KAT2A: variants seen among roughly 807,000 people sequenced by gnomAD.
KAT2A encodes the protein lysine acetyltransferase 2A, also known as histone acetyltransferase KAT2A.
Under a neutral mutation model 95.2 loss-of-function variants are expected in KAT2A, and 42 were observed. The ratio of observed to expected loss-of-function variants is 0.44; its 90% confidence interval spans 0.34 to 0.57. The LOEUF is 0.57. Ranked by LOEUF, KAT2A falls within the 20% of genes least tolerant of loss-of-function variation. The pLI, the probability that KAT2A is intolerant of heterozygous loss-of-function variation, is 0.01. For synonymous variants in KAT2A, 449 were observed against 448.2 expected, an observed-to-expected ratio of 1.00 and a Z score of -0.02; for missense variants, 784 against 1,126.3, an observed-to-expected ratio of 0.70 and a Z score of 4.35.
chr17:42,113,395 C>T lies in KAT2A; in HGVS notation c.*254G>A. ...GCCACCACGGCTGGGCAAGGTTCATCCCTGGCCACCAGCTACTCTAGAGGG... is the reference window on the plus strand; with the variant it reads ...GCCACCACGGCTGGGCAAGGTTCATTCCTGGCCACCAGCTACTCTAGAGGG... On this transcript the variant is annotated 3_prime_UTR_variant, in exon 18 of 18. Transcript: ENST00000225916. 1 of 394,176 alleles carries T rather than the reference C, an allele frequency of 2.5e-6. No homozygotes were observed. The highest frequency in any genetic ancestry group is 4.9e-5 in the Admixed American group (1 of 20,428). 24.4% of individuals were successfully genotyped at this position (394,176 alleles called of 1,614,324 possible).
In KAT2A at chr17:42,119,942, G is replaced by C; in HGVS notation, c.699+88C>G. The C allele has an allele frequency of 2.4e-6, 3 of 1,256,642 alleles. No homozygotes were observed. Among genetic ancestry groups the C allele is most frequent in the East Asian group, 2.3e-5 (1 of 43,078 alleles). The allele number at this position is 1,256,642 out of a possible 1,614,324, so 77.8% of individuals were successfully genotyped here. A position where few individuals can be genotyped will look rare whatever the true frequency, so the allele number is the denominator to read the frequency against. ...TCTCTGAACCTCCCCAGTGTTCTCAGCTTGAGGAGAATGGAGAACACAGGC... is the reference window on the plus strand; with the variant it reads ...TCTCTGAACCTCCCCAGTGTTCTCACCTTGAGGAGAATGGAGAACACAGGC... On this transcript the variant is annotated intron_variant, in intron 4 of 17. Coordinates refer to ENST00000225916, the MANE Select transcript of KAT2A (RefSeq NM_021078.3). The surrounding 1 kb of genome is among the most constrained non-coding windows in gnomAD (Gnocchi z 5.3).
chr17:42,115,954 G>A, intron 11 of KAT2A, 121 bp from the exon 12 acceptor site: 1 of 710,620 alleles, frequency 1.4e-6, no homozygotes, highest in Non-Finnish European at 2.6e-6. Context: ...AGAGCATCCA[G>A]GCAAAGAGGA....
chr17:42,119,193 A>C lies in KAT2A; in HGVS notation c.1073+52T>G. ...GCCTTCCTGGAAAAAAGGGGACAACAGGGAGGATGTGAACTTGGGGCCAAA... is the reference window on the plus strand; with the variant it reads ...GCCTTCCTGGAAAAAAGGGGACAACCGGGAGGATGTGAACTTGGGGCCAAA... On this transcript the variant is annotated intron_variant, in intron 6 of 17. Coordinates refer to ENST00000225916, the MANE Select transcript of KAT2A (RefSeq NM_021078.3). This position sits in a 1 kb window ranked among gnomAD's most constrained non-coding sequence, Gnocchi z 5.3. The C allele has an allele frequency of 6.4e-7, 1 of 1,554,142 alleles. No homozygotes were observed. Among genetic ancestry groups the C allele is most frequent in the Non-Finnish European group, 8.7e-7 (1 of 1,146,486 alleles).
At chr17:42,118,097 C>T in intron 7 of KAT2A, 80 bp from the exon 8 acceptor site, 5 of 904,152 alleles carry the variant, frequency 5.5e-6, no homozygotes, top group Non-Finnish European at 6.5e-6. Context: ...GGGGCTGAAG[C>T]TGAGGAGAGA....
At position 42,114,500 on chromosome 17, in the gene KAT2A, A is replaced by C. The variant is rs2054224481; in HGVS notation, c.2124T>G (p.Val708=). 1.9e-6 allele frequency: 3 copies of C among 1,613,946 alleles called. No individual in the cohort carries two copies. Among genetic ancestry groups the C allele is most frequent in the Non-Finnish European group, 2.5e-6 (3 of 1,179,938 alleles). The part of the protein sequence containing the change: ...EGVRQIPVES[V]PGIRETGWKP... ...GAGACCCCTGCTTACGAATGCCAGG[A>C]ACGCTCTCCACAGGGATCTGCCTCA... Residue 708 remains valine (V), a synonymous_variant, in exon 14 of 18, where the codon GTT becomes GTG. Transcript: ENST00000225916. This position sits in a 1 kb window ranked among gnomAD's most constrained non-coding sequence, Gnocchi z 6.0.
chr17:42,118,261 G>A (rs1555666548), intron 7 of KAT2A, 36 bp downstream of exon 7: 1 of 1,489,396 alleles, frequency 6.7e-7, no homozygotes, highest in South Asian at 1.1e-5. Flanking sequence ...CAGCCAGGCA[G>A]GCCAGACACC....
At chr17:42,118,878 A>G (rs1320393564) in intron 6 of KAT2A, among the ~76,000 whole-genome samples, 1 of 152,252 alleles carries the variant, frequency 6.6e-6, no homozygotes, top group Non-Finnish European at 1.5e-5. Flanking sequence ...AAAATGGTAC[A>G]GAAAAGACCA....
Position 42,115,849 on chromosome 17 carries a change from GCAGGACTCAC to G in KAT2A, c.1765-26_1765-17del, listed in dbSNP as rs1311812309. On this transcript the variant is annotated splice_polypyrimidine_tract_variant and intron_variant, in intron 11 of 17. Transcript: ENST00000225916. ...TCCCATAACCCTGCGGGGGAGGGAA[GCAGGACTCAC>G]CAGGAGCTGAGGATGGGCCTGGTGC... is the stretch of plus-strand genomic sequence containing the variant. 1.8e-5 allele frequency: 27 copies of G among 1,465,814 alleles called. No homozygotes were observed. Among genetic ancestry groups the G allele is most frequent in the Non-Finnish European group, 2.5e-5 (26 of 1,044,922 alleles). The allele number at this position is 1,465,814 out of a possible 1,614,324, so 90.8% of individuals were successfully genotyped here. A position where few individuals can be genotyped will look rare whatever the true frequency, so the allele number is the denominator to read the frequency against.
chr17:42,114,151 C>T lies in KAT2A; in HGVS notation c.2236-67G>A. On this transcript the variant is annotated intron_variant, in intron 16 of 17. Transcript: ENST00000225916. This position sits in a 1 kb window ranked among gnomAD's most constrained non-coding sequence, Gnocchi z 6.0. ...ACGCCAGCCCGAGACCACTACCCACCCCACACTGCATCAAGAGGCCACAGC... is the reference window on the plus strand; with the variant it reads ...ACGCCAGCCCGAGACCACTACCCACTCCACACTGCATCAAGAGGCCACAGC... The T allele has an allele frequency of 1.3e-6, 2 of 1,575,952 alleles. No homozygotes were observed. The highest frequency in any genetic ancestry group is 2.3e-5 in the South Asian group (2 of 87,280).
rs1415062943 is a variant in KAT2A, at chr17:42,115,774, G to C, written c.1824C>G (p.Leu608=). 17 of 1,613,952 alleles carry C rather than the reference G, an allele frequency of 1.1e-5. No individual in the cohort carries two copies. Among genetic ancestry groups the C allele is most frequent in the Non-Finnish European group, 1.4e-5 (17 of 1,179,926 alleles). The change falls in exon 12 of 18, where the codon CTC becomes CTG. Residue 608 remains leucine, a synonymous_variant. Transcript: ENST00000225916. ...ACTCGTCGGCGTAGGTGAGGAAGTA[G>C]AGAATGTTGTGCTTGATGTGATACT... ...LKEYHIKHNI[L]YFLTYADEYA...
At position 42,117,956 on chromosome 17, in the gene KAT2A, G is replaced by A. The variant is rs782693728; in HGVS notation, c.1242C>T (p.Gly414=). The A allele has an allele frequency of 1.9e-6, 3 of 1,608,470 alleles. No homozygotes were observed. The highest frequency in any genetic ancestry group is 1.7e-5 in the Admixed American group (1 of 59,658). Reference sequence around the variant, plus strand: ...AATCCAGACTCAGGGAGCTGTTGCTGCCCCCACCCATGCTGGGGCTGAAGA... The same window carrying A: ...AATCCAGACTCAGGGAGCTGTTGCTACCCCCACCCATGCTGGGGCTGAAGA... The part of the protein sequence containing the change: ...TPIFSPSMGG[G]SNSSLSLDSA... The change falls in exon 8 of 18, where the codon GGC becomes GGT. Residue 414 remains glycine, a synonymous_variant. Transcript: ENST00000225916. The surrounding 1 kb of genome is among the most constrained non-coding windows in gnomAD (Gnocchi z 8.9).
rs1045796459 is a variant in KAT2A, at chr17:42,121,186, G to C, written c.119C>G (p.Pro40Arg). 27 of 1,383,114 alleles carry C rather than the reference G, an allele frequency of 2.0e-5. No homozygotes were observed. The highest frequency in any genetic ancestry group is 2.3e-5 in the Non-Finnish European group (24 of 1,041,376). The allele number at this position is 1,383,114 out of a possible 1,614,324, so 85.7% of individuals were successfully genotyped here. ...PAPSPASAPI[P>R]TPTPAPAPAP... is the part of the protein sequence containing the mutation. Reference sequence around the variant, plus strand: ...AGGGGCTGGTGCCGGGGTGGGAGTCGGAATCGGGGCTGAAGCCGGGCTGGG... The same window carrying C: ...AGGGGCTGGTGCCGGGGTGGGAGTCCGAATCGGGGCTGAAGCCGGGCTGGG... The change falls in exon 1 of 18, where the codon CCG becomes CGG. Residue 40 changes from proline (P) to arginine (R), a missense_variant. Physicochemically the swap from Pro to Arg is moderately radical, Grantham distance 103 (BLOSUM62 -2). Coordinates refer to ENST00000225916, the MANE Select transcript of KAT2A (RefSeq NM_021078.3).
rs144696443 is a variant in KAT2A at position 42,119,867 on chromosome 17, C to A, written c.700-149G>T. On this transcript the variant is annotated intron_variant, in intron 4 of 17. Transcript: ENST00000225916. This position sits in a 1 kb window ranked among gnomAD's most constrained non-coding sequence, Gnocchi z 5.3. The stretch of plus-strand genomic sequence containing the variant: ...GTGCTCTCTATAGAAAAGCTCTGCC[C>A]CCTCCCTACCACCATGCCCACCCTG... The A allele has an allele frequency of 4.6e-4, 438 of 960,994 alleles. 5 individuals are homozygous for A. In the East Asian group the frequency reaches 0.011, roughly 25 times the overall value. The allele number at this position is 960,994 out of a possible 1,614,324, so 59.5% of individuals were successfully genotyped here.
At position 42,121,261 on chromosome 17, in the gene KAT2A, T is replaced by A; in HGVS notation, c.44A>T (p.Gln15Leu). Residue 15 changes from glutamine to leucine, a missense_variant, in exon 1 of 18, where the codon CAG (glutamine) becomes CTG (leucine). Physicochemically the swap from Gln to Leu is moderately radical, Grantham distance 113 (BLOSUM62 -2). Around this residue, in one of 6 missense-constraint regions of KAT2A, gnomAD observed 142 missense variants for 123.2 expected, o/e 1.15. Coordinates refer to ENST00000225916, the MANE Select transcript of KAT2A (RefSeq NM_021078.3). ...SQAPTPAPAAQPRPLQSPAPA... is the reference protein window; with the variant it reads ...SQAPTPAPAALPRPLQSPAPA... ...GGCTGGGGACTGAAGGGGCCGGGGC[T>A]GCGCAGCCGGGGCCGGGGTCGGGGC... The A allele has an allele frequency of 5.2e-6, 7 of 1,345,744 alleles. No individual in the cohort carries two copies. Among genetic ancestry groups the A allele is most frequent in the Non-Finnish European group, 6.7e-6 (7 of 1,042,124 alleles). The allele number at this position is 1,345,744 out of a possible 1,614,324, so 83.4% of individuals were successfully genotyped here.
chr17:42,118,160 G>C, intron 7 of KAT2A, 137 bp downstream of exon 7: 1 of 795,952 alleles, frequency 1.3e-6, no homozygotes, highest in South Asian at 1.6e-5. Flanking sequence ...AGAAGGCAGG[G>C]ACTGGGGGGG....
rs1598230998 is a variant in KAT2A at position 42,117,313 on chromosome 17, T to C, written c.1637+75A>G. 1 of 1,563,946 alleles carries C rather than the reference T, an allele frequency of 6.4e-7. No homozygotes were observed. Among genetic ancestry groups the C allele is most frequent in the Admixed American group, 1.7e-5 (1 of 59,360 alleles). ...AGTGGGGAGCAGGGGATCCCCAATT[T>C]TGAGGAGTGAAGAGGCCGAGGAGGA... is the stretch of plus-strand genomic sequence containing the variant. On this transcript the variant is annotated intron_variant, in intron 10 of 17. Transcript: ENST00000225916. The surrounding 1 kb of genome is among the most constrained non-coding windows in gnomAD (Gnocchi z 8.9).
At position 42,117,053 on chromosome 17, in the gene KAT2A, G is replaced by C; in HGVS notation, c.1746C>G (p.Thr582=). Residue 582 remains threonine, a synonymous_variant, in exon 11 of 18, where the codon ACC becomes ACG. Coordinates refer to ENST00000225916, the MANE Select transcript of KAT2A (RefSeq NM_021078.3). This position sits in a 1 kb window ranked among gnomAD's most constrained non-coding sequence, Gnocchi z 8.9. ...CGCTCACCTTGACCTGCTCATTCGAGGTGACAGCACAGAAGACAATCTCCG... is the reference window on the plus strand; with the variant it reads ...CGCTCACCTTGACCTGCTCATTCGACGTGACAGCACAGAAGACAATCTCCG... The part of the protein sequence containing the change: ...GFTEIVFCAV[T]SNEQVKGYGT... 1.2e-6 allele frequency: 2 copies of C among 1,614,148 alleles called. No homozygotes were observed. Among genetic ancestry groups the C allele is most frequent in the Non-Finnish European group, 1.7e-6 (2 of 1,180,038 alleles).
Position 42,114,581 on chromosome 17 carries a change from G to T in KAT2A, c.2043C>A (p.Arg681=), listed in dbSNP as rs1555665576. The T allele has an allele frequency of 6.2e-7, 1 of 1,613,940 alleles. No individual in the cohort carries two copies. Among genetic ancestry groups the T allele is most frequent in the Non-Finnish European group, 8.5e-7 (1 of 1,179,972 alleles). The change falls in exon 14 of 18, where the codon CGC becomes CGA. Residue 681 remains arginine (R), a synonymous_variant. Transcript: ENST00000225916. This position sits in a 1 kb window ranked among gnomAD's most constrained non-coding sequence, Gnocchi z 6.0. ...QKEIIKKLIE[R]KQAQIRKVYP... ...AGACCTTGCGGATCTGGGCCTGTTT[G>T]CGCTCAATCAGCTTCTTGATGATCT...
At chr17:42,113,908 G>A (rs1555665304) in intron 17 of KAT2A, 66 bp from the exon 18 acceptor site, 1 of 1,492,862 alleles carries the variant, frequency 6.7e-7, no homozygotes, top group African/African-American at 1.4e-5. Flanking sequence ...TGTCCACCAG[G>A]GTGGGCCCCC....
Sources: gnomAD v4.1 joint callset for allele counts (sites outside exome capture counted in the v4.1 genomes callset) on GRCh38, gnomAD v4.1.1 for gene constraint, gnomAD v4.1.1 regional missense constraint, Gnocchi (gnomAD v3.1) non-coding constraint, MANE v1.5 for transcripts, NCBI Gene and HGNC (gene_info 2026-07-23, HGNC 2026-07-21) for gene names.